Variants in PCDHA1 observed in about 807,000 individuals in gnomAD.
PCDHA1 encodes protocadherin alpha 1.
PCDHA1 carries 42 observed loss-of-function variants against 61.3 expected under a neutral mutation model. The ratio of observed to expected loss-of-function variants is 0.69; its 90% CI spans 0.54 to 0.89. The LOEUF (loss-of-function observed/expected upper bound fraction) is 0.89, where lower values mean the gene tolerates loss of function less well. PCDHA1 is among the 40% of genes least tolerant of loss of function. The pLI is 0.00. For missense variants in PCDHA1, 1,256 were observed against 1,235.3 expected, an observed-to-expected ratio of 1.02 and a Z score of -0.25; for synonymous variants, 610 against 553.8, an observed-to-expected ratio of 1.10 and a Z score of -1.43.
chr5:140,912,261 C>T (rs2075834049), intron 1 of PCDHA1, among the ~76,000 whole-genome samples: 2 of 152,116 alleles, frequency 1.3e-5, no homozygotes, highest in Non-Finnish European at 2.9e-5. Context: ...TTGATGACAC[C>T]CTCACAGATA....
intron 1 of PCDHA1, among the ~76,000 whole-genome samples, chr5:140,880,574 AGAGAG>A (rs2058389036): frequency 1.3e-5 from 2 of 152,226 alleles, no homozygotes; most frequent in African/African-American, 4.8e-5. Flanking sequence ...GAATTTGAGA[AGAGAG>A]GAAAGAGAAT....
chr5:140,861,488 T>C lies in PCDHA1; in HGVS notation c.2394+72804T>C, dbSNP rs182152713. 8.2e-6 allele frequency: 4 copies of C among 489,384 alleles called. No individual in the cohort carries two copies. In the East Asian group the frequency reaches 1.8e-4, roughly 21 times the overall value. The allele number at this position is 489,384 out of a possible 1,614,324, so 30.3% of individuals were successfully genotyped here. A position where few individuals can be genotyped will look rare whatever the true frequency, so the allele number is the denominator to read the frequency against. On this transcript the variant is annotated intron_variant, in intron 1 of 3. Transcript: ENST00000504120. ...ATCTGCAGAATGGCATTTTTGTGAGTTCTCTGATAGACCTCGAGGAGCTGT... is the reference window on the plus strand; with the variant it reads ...ATCTGCAGAATGGCATTTTTGTGAGCTCTCTGATAGACCTCGAGGAGCTGT...
In PCDHA1 at chr5:140,849,948, C is replaced by T. The variant is rs2150459540; in HGVS notation, c.2394+61264C>T. ...GGTGTCTGCGCGGGACGCTGACGCG[C>T]AGGAGAACGCCCTGGTGTCCTACTC... On this transcript the variant is annotated intron_variant, in intron 1 of 3. Coordinates refer to ENST00000504120, the MANE Select transcript of PCDHA1 (RefSeq NM_018900.4). 4 of 1,597,728 alleles carry T rather than the reference C, an allele frequency of 2.5e-6. 1 individual carries two copies. The East Asian group carries it at 8.9e-5, about 36-fold the overall frequency.
chr5:140,831,934 C>T (rs1161923837), intron 1 of PCDHA1, among the ~76,000 whole-genome samples: 1 of 152,026 alleles, frequency 6.6e-6, no homozygotes, highest in African/African-American at 2.4e-5. Context: ...ACTAGTTTTC[C>T]GAAGAGGAAA....
chr5:140,878,370 T>G (rs1049956194), intron 1 of PCDHA1, among the ~76,000 whole-genome samples: 1 of 152,272 alleles, frequency 6.6e-6, no homozygotes, highest in Non-Finnish European at 1.5e-5. Context: ...GTCTGACATA[T>G]GATGAATGAT....
chr5:140,941,828 A>T (rs2093176954), intron 1 of PCDHA1, among the ~76,000 whole-genome samples: 1 of 152,218 alleles, frequency 6.6e-6, no homozygotes, highest in Non-Finnish European at 1.5e-5. Flanking sequence ...TGCTGTAAAT[A>T]ATTTAGGCTG....
intron 1 of PCDHA1, among the ~76,000 whole-genome samples, chr5:140,923,036 T>C (rs868918813): frequency 1.3e-5 from 2 of 152,196 alleles, no homozygotes; most frequent in Non-Finnish European, 2.9e-5. Context: ...TATTACTACA[T>C]GTATAGTATT....
chr5:140,941,462 C>T (rs1323217881), intron 1 of PCDHA1, among the ~76,000 whole-genome samples: 1 of 150,980 alleles, frequency 6.6e-6, no homozygotes, highest in Non-Finnish European at 1.5e-5. Context: ...ATTACAGGCG[C>T]CCACCACCAC....
At chr5:140,850,307 C>T (rs2150478733) in intron 1 of PCDHA1, 1 of 1,597,050 alleles carries the variant, frequency 6.3e-7, no homozygotes, top group Non-Finnish European at 8.6e-7. Flanking sequence ...CGGGCTACAA[C>T]GCGTGGCTTT....
intron 1 of PCDHA1, among the ~76,000 whole-genome samples, chr5:140,951,337 G>C (rs1346350844): frequency 6.6e-6 from 1 of 151,970 alleles, no homozygotes; most frequent in Non-Finnish European, 1.5e-5. Context: ...CATTCTGTTT[G>C]TGTTAGTCCA....
chr5:140,823,232 A>G, intron 1 of PCDHA1: 1 of 1,613,580 alleles, frequency 6.2e-7, no homozygotes, highest in Admixed American at 1.7e-5. Context: ...GCGCAGGAGA[A>G]CGCCCTGGTG....
intron 1 of PCDHA1, chr5:140,849,768 G>C (rs2150449044): frequency 6.3e-7 from 1 of 1,598,502 alleles, no homozygotes; most frequent in East Asian, 2.2e-5. Context: ...CGAGCTGGTG[G>C]TTACCGCGCG....
chr5:140,802,415 A>G lies in PCDHA1; in HGVS notation c.2394+13731A>G, dbSNP rs782635659. 3.0e-5 allele frequency: 49 copies of G among 1,614,056 alleles called. No individual in the cohort carries two copies. The Admixed American group carries it at 6.0e-4, about 20-fold the overall frequency. ...TGTCCACCTTCAAGAATTACTACTC[A>G]TTGGTGCTGGACAGCCCTCTGGACC... On this transcript the variant is annotated intron_variant, in intron 1 of 3. Transcript: ENST00000504120.
Position 140,828,362 on chromosome 5 carries a change from G to C in PCDHA1, c.2394+39678G>C, listed in dbSNP as rs1341252383. The C allele has an allele frequency of 3.7e-6, 6 of 1,614,228 alleles. No individual in the cohort carries two copies. Among genetic ancestry groups the C allele is most frequent in the East Asian group, 4.5e-5 (2 of 44,886 alleles). On this transcript the variant is annotated intron_variant, in intron 1 of 3. Coordinates refer to ENST00000504120, the MANE Select transcript of PCDHA1 (RefSeq NM_018900.4). ...CATTTTGTTTGTGAATTCTCGGATC[G>C]ACCGCGAGGAGCTGTGCGGGCGGAG...
chr5:140,843,058 G>A, intron 1 of PCDHA1: 3 of 1,595,232 alleles, frequency 1.9e-6, no homozygotes, highest in Non-Finnish European at 2.6e-6. Flanking sequence ...CAGCGAGCAA[G>A]CTGGTGCCGC....
chr5:140,851,679 C>A, intron 1 of PCDHA1: 1 of 915,664 alleles, frequency 1.1e-6, no homozygotes, highest in Non-Finnish European at 1.3e-6. Context: ...AAATTTTCTC[C>A]ATTCAGTGAT....
chr5:140,807,067 C>A, intron 1 of PCDHA1: 1 of 1,149,970 alleles, frequency 8.7e-7, no homozygotes, highest in Non-Finnish European at 1.2e-6. Flanking sequence ...TGGAAGGAAC[C>A]ATATACACTC....
At chr5:140,802,386 CT>C (rs782412251) in intron 1 of PCDHA1, 69 of 1,614,152 alleles carry the variant, frequency 4.3e-5, no homozygotes, top group Non-Finnish European at 5.7e-5. Context: ...CCCCTTCAAG[CT>C]GGTGTCCACC....
chr5:140,818,188 T>C (rs1766299764), intron 1 of PCDHA1, among the ~76,000 whole-genome samples: 1 of 152,248 alleles, frequency 6.6e-6, no homozygotes, highest in Non-Finnish European at 1.5e-5. Context: ...CTTCTGTGAC[T>C]ATAAGTACAT....
Sources: gnomAD v4.1 joint callset for allele counts (sites outside exome capture counted in the v4.1 genomes callset) on GRCh38, gnomAD v4.1.1 for gene constraint, MANE v1.5 for transcripts, NCBI Gene and HGNC (gene_info 2026-07-23, HGNC 2026-07-21) for gene names.